The following KIFAP3 variants were observed in gnomAD, a reference collection of about 807,000 sequenced individuals.
KIFAP3 encodes kinesin-associated protein 3.
KIFAP3 carries 68 observed loss-of-function variants against 106.5 expected under a neutral mutation model. The ratio of observed to expected loss-of-function variants is 0.64; its 90% CI spans 0.53 to 0.78. The LOEUF (loss-of-function observed/expected upper bound fraction) is 0.78, where lower values mean the gene tolerates loss of function less well. KIFAP3 is among the 30% of genes least tolerant of loss of function. The pLI, the probability that KIFAP3 is intolerant of heterozygous loss-of-function variation, is 0.00. For missense variants in KIFAP3, 780 were observed against 941.8 expected, an observed-to-expected ratio of 0.83 and a Z score of 2.25; for synonymous variants, 320 against 311.5, an observed-to-expected ratio of 1.03 and a Z score of -0.29.
chr1:170,046,717 C>G lies in KIFAP3; in HGVS notation c.314G>C (p.Gly105Ala), dbSNP rs767240405. 1.3e-6 allele frequency: 2 copies of G among 1,538,762 alleles called. No homozygotes were observed. Among genetic ancestry groups the G allele is most frequent in the East Asian group, 4.9e-5 (2 of 41,180 alleles). Residue 105 changes from glycine (G) to alanine (A), a missense_variant, in exon 3 of 20, where the codon GGA becomes GCA. Around this residue, in one of 3 missense-constraint regions of KIFAP3, gnomAD observed 588 missense variants for 678.9 expected, o/e 0.87. Transcript: ENST00000361580. ...YLQNRRDSLSGKEKKEKSSKP... is the reference protein window; with the variant it reads ...YLQNRRDSLSAKEKKEKSSKP... ...CCAGGAATTCTACTACTTACCTTTT[C>G]CTGACAATGAATCACGGCGGTTCTG... is the stretch of plus-strand genomic sequence containing the variant.
At position 170,031,921 on chromosome 1, in the gene KIFAP3, T is replaced by A. The variant is rs750808144; in HGVS notation, c.806A>T (p.Gln269Leu). The change falls in exon 8 of 20, where the codon CAG becomes CTG. Residue 269 changes from glutamine to leucine, a missense_variant. Transcript: ENST00000361580. ...KDYEKTFKKY[Q>L]GLVVKQEQLL... ...CTGTTCCTGTTTTACCACAAGCCCC[T>A]GGTACTTTTTAAAGGTTTTTTCATA... 1 of 1,611,050 alleles carries A rather than the reference T, an allele frequency of 6.2e-7. No individual in the cohort carries two copies. The highest frequency in any genetic ancestry group is 1.1e-5 in the South Asian group (1 of 90,722).
At position 170,074,570 on chromosome 1, in the gene KIFAP3, A is replaced by G; in HGVS notation, c.-103T>C. ...AGTACCCTCACACCCAGAGGCGATG[A>G]CAGTCCTGAGGCCTGCAAGGCGGGG... On this transcript the variant is annotated 5_prime_UTR_variant, in exon 1 of 20. Transcript: ENST00000361580. 6.3e-7 allele frequency: 1 copy of G among 1,586,528 alleles called. No individual in the cohort carries two copies. The highest frequency in any genetic ancestry group is 8.6e-7 in the Non-Finnish European group (1 of 1,166,648).
intron 19 of KIFAP3, among the ~76,000 whole-genome samples, chr1:169,945,146 C>T (rs1420687317): frequency 1.3e-5 from 2 of 151,310 alleles, no homozygotes; most frequent in African/African-American, 4.9e-5. Flanking sequence ...CAGTGGGGGG[C>T]GGGGGGGGGC....
intron 1 of KIFAP3, among the ~76,000 whole-genome samples, chr1:170,079,884 A>G (rs868722696): frequency 2.9e-4 from 44 of 152,022 alleles, no homozygotes; most frequent in African/African-American, 1.1e-3. Context: ...TAACAATATG[A>G]AGTCTTCCAA....
chr1:170,043,376 T>G (rs1273928140), intron 3 of KIFAP3, among the ~76,000 whole-genome samples: 2 of 152,146 alleles, frequency 1.3e-5, no homozygotes, highest in Non-Finnish European at 2.9e-5. Flanking sequence ...CCTAATGAAC[T>G]GGATAAAAGC....
At chr1:169,973,690 C>T (rs1016076281) in intron 16 of KIFAP3, among the ~76,000 whole-genome samples, 1 of 151,824 alleles carries the variant, frequency 6.6e-6, no homozygotes, top group Non-Finnish European at 1.5e-5. Flanking sequence ...AGCGAAAAAA[C>T]ATCTTCGAAT....
chr1:170,076,676 A>T (rs1242659720), upstream of KIFAP3, among the ~76,000 whole-genome samples: 1 of 152,228 alleles, frequency 6.6e-6, no homozygotes, highest in Non-Finnish European at 1.5e-5. Context: ...ACCTCCTTTT[A>T]ACAAGGAAAA....
rs16862995 is a variant in KIFAP3, at chr1:170,058,807, T to C, written c.33-3371A>G. ...GCAAAAAATGATGACCCTAACCAAA[T>C]CTAATCTTTCCTTGCCTACTCAAAG... On this transcript the variant is annotated intron_variant, in intron 1 of 19. Coordinates refer to ENST00000361580, the MANE Select transcript of KIFAP3 (RefSeq NM_014970.4). Among the ~76,000 whole-genome samples the C allele has an allele frequency of 6.8e-3, 1,037 of 152,092 alleles. 16 individuals carry two copies. Among genetic ancestry groups the C allele is most frequent in the African/African-American group, 0.023 (947 of 41,512 alleles).
chr1:170,074,741 T>A (rs545649705), upstream of KIFAP3: 101 of 1,335,386 alleles, frequency 7.6e-5, no homozygotes, highest in Non-Finnish European at 9.6e-5. Flanking sequence ...ACCTCTTGTA[T>A]GCGCAGGCTC....
chr1:170,065,825 T>G (rs1571764034), intron 1 of KIFAP3, among the ~76,000 whole-genome samples: 1 of 152,136 alleles, frequency 6.6e-6, no homozygotes, highest in South Asian at 2.1e-4. Context: ...ATACAGCCAG[T>G]GGCTATGTAT....
intron 1 of KIFAP3, among the ~76,000 whole-genome samples, chr1:170,069,829 C>T (rs1454405054): frequency 2.9e-5 from 2 of 69,950 alleles, no homozygotes. Context: ...AGCAATGAGG[C>T]ATGGGAAAAA....
At chr1:170,059,169 C>T (rs1319156409) in intron 1 of KIFAP3, among the ~76,000 whole-genome samples, 6 of 152,056 alleles carry the variant, frequency 3.9e-5, no homozygotes, top group Admixed American at 2.0e-4. Flanking sequence ...TAACTAAGAT[C>T]AGAGCAAAAC....
intron 10 of KIFAP3, 53 bp downstream of exon 10, chr1:170,016,409 C>T: frequency 6.9e-7 from 1 of 1,455,114 alleles, no homozygotes; most frequent in Non-Finnish European, 9.4e-7. Flanking sequence ...CTCAATTTTC[C>T]AGCGATGTTG....
intron 11 of KIFAP3, among the ~76,000 whole-genome samples, chr1:169,990,798 T>C (rs1045016732): frequency 1.8e-4 from 28 of 152,182 alleles, no homozygotes; most frequent in South Asian, 1.5e-3. Context: ...ACCTAACATA[T>C]AATACATATC....
intron 19 of KIFAP3, among the ~76,000 whole-genome samples, chr1:169,953,131 G>A (rs1489100808): frequency 6.6e-6 from 1 of 152,056 alleles, no homozygotes; most frequent in Non-Finnish European, 1.5e-5. Context: ...GGAATGATAT[G>A]AAGAGAAAAA....
In KIFAP3 at chr1:169,982,742, T is replaced by C. The variant is rs1446376849; in HGVS notation, c.1632A>G (p.Glu544=). 1 of 1,610,170 alleles carries C rather than the reference T, an allele frequency of 6.2e-7. No homozygotes were observed. Among genetic ancestry groups the C allele is most frequent in the Non-Finnish European group, 8.5e-7 (1 of 1,177,854 alleles). The change falls in exon 14 of 20, where the codon GAA becomes GAG. Residue 544 remains glutamate, a synonymous_variant. Transcript: ENST00000361580. The part of the protein sequence containing the change: ...PDLDWELVLK[E]YKLVPYLKDK... ...CCTTGAGGTATGGAACCAACTTATA[T>C]TCTTTAAGAACCAATTCCCAGTCTA...
intron 10 of KIFAP3, among the ~76,000 whole-genome samples, chr1:170,003,198 T>TATTGA (rs1667753588): frequency 6.6e-6 from 1 of 152,216 alleles, no homozygotes; most frequent in Non-Finnish European, 1.5e-5. Flanking sequence ...TATATGTGTC[T>TATTGA]AAGTGCTTAC....
At chr1:169,961,293 C>G in intron 17 of KIFAP3, 58 bp from the exon 18 acceptor site, 2 of 1,375,064 alleles carry the variant, frequency 1.5e-6, no homozygotes, top group Non-Finnish European at 2.0e-6. Flanking sequence ...GGCACTCAGA[C>G]GGCAATATTT....
At chr1:170,026,798 T>C (rs1032361805) in intron 8 of KIFAP3, among the ~76,000 whole-genome samples, 1 of 152,196 alleles carries the variant, frequency 6.6e-6, no homozygotes, top group Non-Finnish European at 1.5e-5. Context: ...CATGCATTAG[T>C]GGGTAGAGCC....
Sources: gnomAD v4.1 joint callset for allele counts (sites outside exome capture counted in the v4.1 genomes callset) on GRCh38, gnomAD v4.1.1 for gene constraint, gnomAD v4.1.1 regional missense constraint, MANE v1.5 for transcripts, NCBI Gene and HGNC (gene_info 2026-07-23, HGNC 2026-07-21) for gene names.